Variants in PTPN11 observed in about 807,000 individuals in gnomAD.
PTPN11 encodes protein tyrosine phosphatase non-receptor type 11, also known as tyrosine-protein phosphatase non-receptor type 11.
A neutral mutation model predicts 78.8 loss-of-function variants in PTPN11; 6 were observed. The ratio of observed to expected loss-of-function variants is 0.08; its 90% confidence interval spans 0.04 to 0.15. PTPN11 has a LOEUF of 0.15. Ranked by LOEUF, PTPN11 falls within the 10% of genes least tolerant of loss-of-function variation. The pLI is 1.00. For missense variants in PTPN11, 386 were observed against 744.8 expected (o/e 0.52, Z 5.61); for synonymous variants, 221 against 263.5 (o/e 0.84, Z 1.56).
intron 6 of PTPN11, among the ~76,000 whole-genome samples, chr12:112,465,961 T>G (rs1399808971): frequency 6.6e-6 from 1 of 152,230 alleles, no homozygotes; most frequent in East Asian, 1.9e-4. Flanking sequence ...TTGCAGTGAC[T>G]TATTCCTTCC....
chr12:112,504,140 A>G lies in PTPN11; in HGVS notation c.1713-555A>G, dbSNP rs2038907536. On this transcript the variant is annotated intron_variant, in intron 14 of 15. Coordinates refer to ENST00000351677, the MANE Select transcript of PTPN11 (RefSeq NM_002834.5). The surrounding 1 kb of genome is among the most constrained non-coding windows in gnomAD (Gnocchi z 4.7). Reference sequence around the variant, plus strand: ...ATGCCTCATCCTACAGGCCTCCTTAAAACAACCTGCTTTCTGCCAGACCCC... The same window carrying G: ...ATGCCTCATCCTACAGGCCTCCTTAGAACAACCTGCTTTCTGCCAGACCCC... 1.3e-5 allele frequency among the ~76,000 whole-genome samples: 2 copies of G among 152,086 alleles called. No homozygotes were observed. The highest frequency in any genetic ancestry group is 2.9e-5 in the Non-Finnish European group (2 of 68,016).
At chr12:112,484,222 G>A (rs763485171) in intron 10 of PTPN11, among the ~76,000 whole-genome samples, 163 of 152,320 alleles carry the variant, frequency 1.1e-3, no homozygotes, top group Admixed American at 2.0e-3. Context: ...AGATGAAATC[G>A]TAATTGTGTA....
intron 6 of PTPN11, among the ~76,000 whole-genome samples, chr12:112,464,097 G>A (rs1308269500): frequency 6.6e-6 from 1 of 152,224 alleles, no homozygotes; most frequent in East Asian, 1.9e-4. Flanking sequence ...TTCTTACAGT[G>A]TGCTCTGATA....
intron 6 of PTPN11, among the ~76,000 whole-genome samples, chr12:112,471,730 AC>A (rs1165138511): frequency 6.7e-6 from 1 of 149,768 alleles, no homozygotes; most frequent in Non-Finnish European, 1.5e-5. Context: ...AAAAAAAATC[AC>A]CATTACCTAT....
chr12:112,452,717 G>A (rs895291161), intron 3 of PTPN11, among the ~76,000 whole-genome samples: 1 of 152,100 alleles, frequency 6.6e-6, no homozygotes, highest in Middle Eastern at 3.4e-3. Context: ...TTGTGAAGAT[G>A]GGGATTTCAC....
chr12:112,421,801 AT>A (rs1211439195), intron 1 of PTPN11, among the ~76,000 whole-genome samples: 4 of 151,596 alleles, frequency 2.6e-5, no homozygotes, highest in South Asian at 2.1e-4. Context: ...TAATTTTTGT[AT>A]TTTTTTATAG....
intron 9 of PTPN11, among the ~76,000 whole-genome samples, chr12:112,479,489 A>G (rs1477339072): frequency 6.6e-6 from 1 of 152,162 alleles, no homozygotes. Flanking sequence ...TTGTACTCCT[A>G]GTTGGTATAC....
intron 6 of PTPN11, among the ~76,000 whole-genome samples, chr12:112,471,378 T>C (rs1339180355): frequency 2.3e-3 from 337 of 144,594 alleles, no homozygotes; most frequent in African/African-American, 6.8e-3. Flanking sequence ...TGAAATTGAC[T>C]TTTTTTTTTT....
chr12:112,459,668 A>G (rs994187044), intron 6 of PTPN11, among the ~76,000 whole-genome samples: 1 of 151,764 alleles, frequency 6.6e-6, no homozygotes, highest in Non-Finnish European at 1.5e-5. Flanking sequence ...GGTTTTCACT[A>G]TGTTGGCCAC....
intron 1 of PTPN11, 87 bp from the exon 2 acceptor site, chr12:112,446,189 T>G: frequency 6.4e-7 from 1 of 1,550,900 alleles, no homozygotes; most frequent in South Asian, 1.1e-5. Context: ...TCTACTCTGC[T>G]CATAATGCGT....
chr12:112,431,851 G>A (rs772740910), intron 1 of PTPN11, among the ~76,000 whole-genome samples: 6 of 151,798 alleles, frequency 4.0e-5, no homozygotes, highest in South Asian at 2.1e-4. Context: ...AAGAAACCCA[G>A]AAATCATAAT....
Position 112,452,924 on chromosome 12 carries a change from T to TA in PTPN11, c.333-262dup, listed in dbSNP as rs200651902. 5.1e-3 allele frequency among the ~76,000 whole-genome samples: 776 copies of TA among 151,530 alleles called. 7 individuals are homozygous for TA. The highest frequency in any genetic ancestry group is 0.014 in the Middle Eastern group (4 of 294). ...TTGCATTTTTAAAAGAGGAGGGATTTAAAAAAAAACAGGAAAGATTGGGGC... is the reference window on the plus strand; with the variant it reads ...TTGCATTTTTAAAAGAGGAGGGATTTAAAAAAAAAACAGGAAAGATTGGGGC... On this transcript the variant is annotated intron_variant, in intron 3 of 15. Coordinates refer to ENST00000351677, the MANE Select transcript of PTPN11 (RefSeq NM_002834.5).
intron 13 of PTPN11, among the ~76,000 whole-genome samples, chr12:112,496,418 G>A (rs1448982977): frequency 6.6e-6 from 1 of 152,096 alleles, no homozygotes; most frequent in Non-Finnish European, 1.5e-5. Context: ...CTGGGTGTTG[G>A]GTGTGCTCAT....
intron 11 of PTPN11, among the ~76,000 whole-genome samples, chr12:112,487,147 G>A (rs577513488): frequency 6.4e-5 from 7 of 109,556 alleles, no homozygotes; most frequent in South Asian, 2.9e-4. Flanking sequence ...TTTTTTTTTC[G>A]TTTTTGAGAC....
At chr12:112,435,865 T>C (rs1455167636) in intron 1 of PTPN11, among the ~76,000 whole-genome samples, 2 of 151,998 alleles carry the variant, frequency 1.3e-5, no homozygotes, top group Admixed American at 6.6e-5. Context: ...AGTCCTTCAA[T>C]AATGGCTGAG....
chr12:112,495,184 A>G (rs1316443539), intron 13 of PTPN11, among the ~76,000 whole-genome samples: 1 of 152,234 alleles, frequency 6.6e-6, no homozygotes, highest in African/African-American at 2.4e-5. Flanking sequence ...CTAAAACATT[A>G]ACATCAATAC....
chr12:112,481,814 C>G (rs771639498), intron 9 of PTPN11, among the ~76,000 whole-genome samples: 7 of 151,904 alleles, frequency 4.6e-5, no homozygotes, highest in Non-Finnish European at 8.8e-5. Flanking sequence ...GATAAACAAA[C>G]ATTGACTCTG....
intron 1 of PTPN11, among the ~76,000 whole-genome samples, chr12:112,426,258 T>G (rs1450901468): frequency 6.6e-6 from 1 of 152,082 alleles, no homozygotes; most frequent in Non-Finnish European, 1.5e-5. Context: ...GTTTGTAAAC[T>G]CTTTTTTTTT....
chr12:112,481,999 A>G (rs2038603069), intron 9 of PTPN11, 75 bp from the exon 10 acceptor site: 2 of 1,462,036 alleles, frequency 1.4e-6, no homozygotes, highest in Non-Finnish European at 9.5e-7. Context: ...AGACTTGAAC[A>G]TTTGTTTGTT....
Sources: gnomAD v4.1 joint callset for allele counts (sites outside exome capture counted in the v4.1 genomes callset) on GRCh38, gnomAD v4.1.1 for gene constraint, Gnocchi (gnomAD v3.1) non-coding constraint, MANE v1.5 for transcripts, NCBI Gene and HGNC (gene_info 2026-07-23, HGNC 2026-07-21) for gene names.